The following RAG1 variants were observed in gnomAD, a reference collection of about 807,000 sequenced individuals.
RAG1 encodes V(D)J recombination-activating protein 1.
In RAG1, 35 loss-of-function variants were observed where a neutral mutation model predicts 62.7. That is an observed-to-expected ratio of 0.56 (90% CI 0.43 to 0.74). The LOEUF is 0.74. Ranked by LOEUF, RAG1 falls within the 30% of genes least tolerant of loss-of-function variation. RAG1 has a pLI of 0.00. For missense variants in RAG1, 1,169 were observed against 1,278.6 expected (o/e 0.91, Z 1.31); for synonymous variants, 461 against 470.3 (o/e 0.98, Z 0.26).
At chr11:36,533,732 A>G (rs1246918071) in intron 2 of RAG1, among the ~76,000 whole-genome samples, 2 of 152,018 alleles carry the variant, frequency 1.3e-5, no homozygotes, top group African/African-American at 2.4e-5. Flanking sequence ...TTTCCTTGTT[A>G]AGTAGTATTC....
intron 2 of RAG1, among the ~76,000 whole-genome samples, chr11:36,522,639 C>T (rs1381091489): frequency 1.3e-5 from 2 of 152,162 alleles, no homozygotes; most frequent in Non-Finnish European, 2.9e-5. Context: ...CCACCATCCT[C>T]CAGACCCCAG....
upstream of RAG1, chr11:36,568,003 C>A (rs551423720): frequency 2.6e-4 from 40 of 152,366 alleles, no homozygotes; most frequent in African/African-American, 8.7e-4. Context: ...GCAGCATGTT[C>A]TGAGAAACAA....
chr11:36,527,048 A>G (rs117380686), intron 2 of RAG1, among the ~76,000 whole-genome samples: 267 of 152,288 alleles, frequency 1.8e-3, no homozygotes, highest in Non-Finnish European at 3.4e-3. Flanking sequence ...GTCCACTCCA[A>G]TGATAGTTTC....
chr11:36,546,983 C>T (rs1345548889), intron 3 of RAG1, among the ~76,000 whole-genome samples: 2 of 151,782 alleles, frequency 1.3e-5, no homozygotes, highest in Non-Finnish European at 2.9e-5. Context: ...TCTGGCTGCC[C>T]TTAACATTTT....
chr11:36,524,635 C>T (rs1466507065), intron 2 of RAG1, among the ~76,000 whole-genome samples: 1 of 151,972 alleles, frequency 6.6e-6, no homozygotes, highest in African/African-American at 2.4e-5. Context: ...AATACATGCA[C>T]ACACCACCAC....
At chr11:36,536,868 C>T (rs1255205997), downstream of RAG1, among the ~76,000 whole-genome samples, 1 of 150,438 alleles carries the variant, frequency 6.6e-6, no homozygotes, top group Non-Finnish European at 1.5e-5. Flanking sequence ...ACCCCATTCT[C>T]CTGCCTCAGC....
intron 2 of RAG1, among the ~76,000 whole-genome samples, chr11:36,526,840 G>A (rs1590666015): frequency 6.6e-6 from 1 of 152,330 alleles, no homozygotes; most frequent in East Asian, 1.9e-4. Flanking sequence ...CAGTGATGAT[G>A]AGCATTTCTT....
chr11:36,559,139 A>G (rs1850546612), intron 3 of RAG1, among the ~76,000 whole-genome samples: 2 of 151,688 alleles, frequency 1.3e-5, no homozygotes, highest in South Asian at 2.1e-4. Flanking sequence ...AGTTTTTTTT[A>G]TTTTCTTTTA....
Position 36,576,845 on chromosome 11 carries a change from G to T in RAG1, c.*409G>T. On this transcript the variant is annotated 3_prime_UTR_variant, in exon 2 of 2. Coordinates refer to ENST00000299440, the MANE Select transcript of RAG1 (RefSeq NM_000448.3). ...TTTCCCCCTTGATTGATTATATTTT[G>T]TATTGAGATATGATAAGTGCCTTCT... The T allele has an allele frequency of 4.7e-6, 1 of 213,208 alleles. No individual in the cohort carries two copies. The highest frequency in any genetic ancestry group is 1.0e-4 in the South Asian group (1 of 9,692). The allele number at this position is 213,208 out of a possible 1,614,324, so 13.2% of individuals were successfully genotyped here. A position where few individuals can be genotyped will look rare whatever the true frequency, so the allele number is the denominator to read the frequency against.
Position 36,574,863 on chromosome 11 carries a change from T to A in RAG1, c.1559T>A (p.Phe520Tyr), listed in dbSNP as rs1490273597. The A allele has an allele frequency of 6.2e-7, 1 of 1,614,102 alleles. No homozygotes were observed. The highest frequency in any genetic ancestry group is 8.5e-7 in the Non-Finnish European group (1 of 1,180,044). The change falls in exon 2 of 2, where the codon TTT (phenylalanine) becomes TAT (tyrosine). Residue 520 changes from phenylalanine (F) to tyrosine (Y), a missense_variant. By Grantham distance (22) the Phe-to-Tyr change is conservative. Around this residue, in one of 2 missense-constraint regions of RAG1, gnomAD observed 800 missense variants for 943.3 expected, o/e 0.85. Coordinates refer to ENST00000299440, the MANE Select transcript of RAG1 (RefSeq NM_000448.3). ...EKVLLPGYHHFEWQPPLKNVS... is the reference protein window; with the variant it reads ...EKVLLPGYHHYEWQPPLKNVS... ...GTACTTCTGCCAGGCTACCACCACT[T>A]TGAGTGGCAGCCACCTCTGAAGAAT... is the stretch of plus-strand genomic sequence containing the variant.
At chr11:36,544,184 A>C (rs774108990) in intron 3 of RAG1, among the ~76,000 whole-genome samples, 7 of 152,180 alleles carry the variant, frequency 4.6e-5, no homozygotes, top group Non-Finnish European at 1.0e-4. Flanking sequence ...CAGAGATGGC[A>C]GATGTGATCA....
chr11:36,548,917 A>C (rs1008039503), intron 3 of RAG1, among the ~76,000 whole-genome samples: 3 of 152,204 alleles, frequency 2.0e-5, no homozygotes, highest in Non-Finnish European at 4.4e-5. Flanking sequence ...ACTGGTACCA[A>C]AACAGGTATA....
At chr11:36,573,005 T>TTGC (rs1850771668) in intron 1 of RAG1, among the ~76,000 whole-genome samples, 1 of 152,204 alleles carries the variant, frequency 6.6e-6, no homozygotes, top group South Asian at 2.1e-4. Flanking sequence ...AATCAAAGAT[T>TTGC]CTGTCCTTAA....
intron 3 of RAG1, among the ~76,000 whole-genome samples, chr11:36,562,532 A>G (rs1307799948): frequency 6.6e-6 from 1 of 152,174 alleles, no homozygotes; most frequent in Non-Finnish European, 1.5e-5. Context: ...TGGGTTTTTA[A>G]CCAGTACCCC....
intron 1 of RAG1, among the ~76,000 whole-genome samples, chr11:36,568,957 C>T (rs960492006): frequency 7.9e-5 from 12 of 152,124 alleles, no homozygotes; most frequent in Non-Finnish European, 1.5e-4. Flanking sequence ...ATAGTATTTG[C>T]AGAGTGAATG....
intron 3 of RAG1, among the ~76,000 whole-genome samples, chr11:36,541,310 G>T (rs1022554429): frequency 6.6e-6 from 1 of 152,174 alleles, no homozygotes; most frequent in Non-Finnish European, 1.5e-5. Flanking sequence ...ACATTGGGAG[G>T]ATTCTTAGAC....
intron 1 of RAG1, among the ~76,000 whole-genome samples, chr11:36,514,332 A>G (rs1173518056): frequency 1.3e-5 from 2 of 152,188 alleles, no homozygotes; most frequent in African/African-American, 2.4e-5. Flanking sequence ...AGCAATAGAT[A>G]ATTAATAGAA....
intron 2 of RAG1, among the ~76,000 whole-genome samples, chr11:36,534,852 A>G (rs1284124635): frequency 1.3e-5 from 2 of 152,146 alleles, no homozygotes; most frequent in Admixed American, 6.5e-5. Flanking sequence ...AGGTCTATCA[A>G]TGTACATTTT....
intron 2 of RAG1, among the ~76,000 whole-genome samples, chr11:36,529,484 G>A (rs1186283463): frequency 6.6e-6 from 1 of 152,154 alleles, no homozygotes; most frequent in Non-Finnish European, 1.5e-5. Flanking sequence ...GGTATTGATG[G>A]AACGTATCTC....
Sources: gnomAD v4.1 joint callset for allele counts (sites outside exome capture counted in the v4.1 genomes callset) on GRCh38, gnomAD v4.1.1 for gene constraint, gnomAD v4.1.1 regional missense constraint, MANE v1.5 for transcripts, NCBI Gene and HGNC (gene_info 2026-07-23, HGNC 2026-07-21) for gene names.